GOLGA3: variants seen among roughly 807,000 people sequenced by gnomAD.
The protein encoded by GOLGA3 is golgin A3, also known as golgin subfamily A member 3.
In GOLGA3, 75 loss-of-function variants were observed where a neutral mutation model predicts 169.4. The ratio of observed to expected loss-of-function variants is 0.44; its 90% confidence interval spans 0.37 to 0.54. The LOEUF (loss-of-function observed/expected upper bound fraction) is 0.54, where lower values mean the gene tolerates loss of function less well. Ranked by LOEUF, GOLGA3 falls within the 20% of genes least tolerant of loss-of-function variation. The pLI, the probability that GOLGA3 is intolerant of heterozygous loss-of-function variation, is 0.00. For synonymous variants in GOLGA3, 824 were observed against 822.4 expected, an observed-to-expected ratio of 1.00 and a Z score of -0.03; for missense variants, 1,899 against 1,930.0, an observed-to-expected ratio of 0.98 and a Z score of 0.30.
At chr12:132,784,997 T>C (rs1177901918) in intron 15 of GOLGA3, among the ~76,000 whole-genome samples, 1 of 152,228 alleles carries the variant, frequency 6.6e-6, no homozygotes, top group African/African-American at 2.4e-5. Flanking sequence ...TTGCCAAGCA[T>C]GTTCCAGTAC....
At chr12:132,826,772 T>C (rs1403425413) in intron 1 of GOLGA3, among the ~76,000 whole-genome samples, 1 of 152,190 alleles carries the variant, frequency 6.6e-6, no homozygotes, top group Non-Finnish European at 1.5e-5. Flanking sequence ...GCTTGATTTT[T>C]AGTTAAAATT....
chr12:132,807,966 G>A lies in GOLGA3; in HGVS notation c.1103C>T (p.Ala368Val), dbSNP rs1949500778. Residue 368 changes from alanine (A) to valine (V), a missense_variant, in exon 5 of 24, where the codon GCA (alanine) becomes GTA (valine). By Grantham distance (64) the Ala-to-Val change is moderately conservative. Transcript: ENST00000450791. ...FPSIKDVLQAAAAEHQDQGQE... is the reference protein window; with the variant it reads ...FPSIKDVLQAVAAEHQDQGQE... ...CCCCTGGTCTTGGTGCTCAGCGGCT[G>A]CGGCCTGGAGGACGTCCTTAATGGA... 5 of 1,613,432 alleles carry A rather than the reference G, an allele frequency of 3.1e-6. No individual in the cohort carries two copies. In the South Asian group the frequency reaches 3.3e-5, roughly 11 times the overall value.
chr12:132,826,721 G>A (rs61952777), intron 1 of GOLGA3, among the ~76,000 whole-genome samples: 18,539 of 152,118 alleles, frequency 0.12, 1,410 homozygotes, highest in South Asian at 0.17. Flanking sequence ...ACTTCTCCCT[G>A]TAGGGCAATA....
chr12:132,796,429 G>T, intron 10 of GOLGA3, 110 bp downstream of exon 10: 2 of 1,314,604 alleles, frequency 1.5e-6, no homozygotes, highest in Non-Finnish European at 2.1e-6. Flanking sequence ...ACTCCCACCT[G>T]AGCGGACGTG....
rs961180303 is a variant in GOLGA3, at chr12:132,779,890, AC to A, written c.3582+907del. ...ACCTCAGGCACACACGTGTGTACAG[AC>A]ATCACAACTCTTGCACGCACAGCCC... On this transcript the variant is annotated intron_variant, in intron 18 of 23. Transcript: ENST00000450791. 2.3e-5 allele frequency among the ~76,000 whole-genome samples: 3 copies of A among 130,252 alleles called. No homozygotes were observed. In the Admixed American group the frequency reaches 2.7e-4, roughly 12 times the overall value. 85.5% of individuals were successfully genotyped at this position (130,252 alleles called of 152,430 possible).
chr12:132,788,289 C>T lies in GOLGA3; in HGVS notation c.2811+738G>A, dbSNP rs1050899723. ...TGCTGGGACCTTGGCTCGGTCCTCT[C>T]CGGCAACTTCAGAAACTTCATAAGC... On this transcript the variant is annotated intron_variant, in intron 13 of 23. Transcript: ENST00000450791. Among the ~76,000 whole-genome samples the T allele has an allele frequency of 1.2e-4, 19 of 152,346 alleles. 1 individual carries two copies. The Middle Eastern group carries it at 0.01, about 82-fold the overall frequency.
At chr12:132,783,420 G>A (rs1365337524) in intron 16 of GOLGA3, among the ~76,000 whole-genome samples, 4 of 152,222 alleles carry the variant, frequency 2.6e-5, no homozygotes, top group Non-Finnish European at 5.9e-5. Flanking sequence ...GGGTGGGCAT[G>A]AGCAAAACCA....
In GOLGA3 at chr12:132,808,302, G is replaced by A. The variant is rs776306612; in HGVS notation, c.767C>T (p.Ala256Val). The A allele has an allele frequency of 1.5e-5, 24 of 1,613,982 alleles. No individual in the cohort carries two copies. Among genetic ancestry groups the A allele is most frequent in the Admixed American group, 1.3e-4 (8 of 60,000 alleles). The change falls in exon 5 of 24, where the codon GCG becomes GTG. Residue 256 changes from alanine to valine, a missense_variant. Coordinates refer to ENST00000450791, the MANE Select transcript of GOLGA3 (RefSeq NM_001389683.1). The part of the protein sequence containing the change: ...LADYRTEDSN[A>V]GNSGGNVPAP... ...CGGGACATTTCCCCCAGAATTCCCC[G>A]CATTTGAATCTTCAGTTCTGTAATC... is the stretch of plus-strand genomic sequence containing the variant.
chr12:132,819,805 C>T (rs937804981), intron 2 of GOLGA3, among the ~76,000 whole-genome samples: 6 of 152,098 alleles, frequency 3.9e-5, no homozygotes, highest in Admixed American at 2.0e-4. Flanking sequence ...TTTGGGAGGC[C>T]GAGGTGGAAG....
intron 22 of GOLGA3, chr12:132,774,580 G>C: frequency 3.6e-6 from 2 of 550,054 alleles, no homozygotes; most frequent in Non-Finnish European, 3.2e-6. Context: ...CGGCAGGACG[G>C]GGCCGAGCCA....
At chr12:132,799,051 G>A (rs1949008388) in intron 8 of GOLGA3, among the ~76,000 whole-genome samples, 1 of 152,254 alleles carries the variant, frequency 6.6e-6, no homozygotes, top group African/African-American at 2.4e-5. Flanking sequence ...AAAAGGAGGT[G>A]TGAGGACAGC....
intron 22 of GOLGA3, chr12:132,774,569 G>C: frequency 1.8e-6 from 1 of 564,202 alleles, no homozygotes; most frequent in Non-Finnish European, 3.2e-6. Context: ...TCCTGGGTCT[G>C]CGGCAGGACG....
rs191493547 is a variant in GOLGA3, at chr12:132,815,974, A to C, written c.406+566T>G. On this transcript the variant is annotated intron_variant, in intron 3 of 23. Transcript: ENST00000450791. The stretch of plus-strand genomic sequence containing the variant: ...AACACTTTGGGAGGCCAAGGCAGGC[A>C]GACCATGAGGTCAGGAGATCAATAC... Among the ~76,000 whole-genome samples, 510 of 152,374 alleles carry C rather than the reference A, an allele frequency of 3.3e-3. 1 individual carries two copies. Among genetic ancestry groups the C allele is most frequent in the Admixed American group, 9.9e-3 (152 of 15,310 alleles).
In GOLGA3 at chr12:132,786,531, C is replaced by T. The variant is rs148429683; in HGVS notation, c.2931G>A (p.Lys977=). 2,518 of 1,613,660 alleles carry T rather than the reference C, an allele frequency of 1.6e-3. 1 individual carries two copies. The highest frequency in any genetic ancestry group is 1.9e-3 in the Non-Finnish European group (2,290 of 1,179,954). ...ARKAITEQKQ[K]MRRLGSDLTS... ...TCAAGTCTGAGCCCAGCCGCCTCAT[C>T]TTCTGCTTCTGTTCCGTGATGGCCC... The change falls in exon 15 of 24, where the codon AAG becomes AAA. Residue 977 remains lysine, a synonymous_variant. Coordinates refer to ENST00000450791, the MANE Select transcript of GOLGA3 (RefSeq NM_001389683.1).
chr12:132,824,840 C>T (rs957736273), intron 1 of GOLGA3, among the ~76,000 whole-genome samples: 6 of 152,016 alleles, frequency 3.9e-5, no homozygotes, highest in Non-Finnish European at 7.4e-5. Context: ...AAAAACACTG[C>T]GATCTCCACC....
chr12:132,773,345 G>C (rs1267320211), intron 23 of GOLGA3, 51 bp from the exon 24 acceptor site: 2 of 1,185,216 alleles, frequency 1.7e-6, no homozygotes, highest in Admixed American at 3.2e-5. Flanking sequence ...GTGCCAGGCA[G>C]AACGCGCCAC....
At chr12:132,778,812 T>G (rs1443202920) in intron 18 of GOLGA3, among the ~76,000 whole-genome samples, 1 of 149,692 alleles carries the variant, frequency 6.7e-6, no homozygotes, top group African/African-American at 2.5e-5. Context: ...GGAGAATCAC[T>G]TGAACCCGGG....
Position 132,808,276 on chromosome 12 carries a change from C to T in GOLGA3, c.793G>A (p.Ala265Thr). The change falls in exon 5 of 24, where the codon GCT becomes ACT. Residue 265 changes from alanine to threonine, a missense_variant. Transcript: ENST00000450791. ...NAGNSGGNVP[A>T]PDSTKGSLKQ... The stretch of plus-strand genomic sequence containing the variant: ...AGGGAACCCTTGGTAGAATCGGGAG[C>T]CGGGACATTTCCCCCAGAATTCCCC... 1 of 1,614,094 alleles carries T rather than the reference C, an allele frequency of 6.2e-7. No individual in the cohort carries two copies. Among genetic ancestry groups the T allele is most frequent in the South Asian group, 1.1e-5 (1 of 91,078 alleles).
At chr12:132,814,764 C>T (rs1448061099) in intron 3 of GOLGA3, among the ~76,000 whole-genome samples, 1 of 152,262 alleles carries the variant, frequency 6.6e-6, no homozygotes, top group Non-Finnish European at 1.5e-5. Flanking sequence ...CGAGGTCATG[C>T]TCCGGGACAG....
Sources: gnomAD v4.1 joint callset for allele counts (sites outside exome capture counted in the v4.1 genomes callset) on GRCh38, gnomAD v4.1.1 for gene constraint, MANE v1.5 for transcripts, NCBI Gene and HGNC (gene_info 2026-07-23, HGNC 2026-07-21) for gene names.